PTPN3: variants seen among roughly 807,000 people sequenced by gnomAD.
PTPN3 encodes the protein protein tyrosine phosphatase non-receptor type 3, also known as tyrosine-protein phosphatase non-receptor type 3.
PTPN3 carries 96 observed loss-of-function variants against 132.7 expected under a neutral mutation model. That is an observed-to-expected ratio of 0.72 (90% CI 0.61 to 0.86). The LOEUF is 0.86. Ranked by LOEUF, PTPN3 falls within the 40% of genes least tolerant of loss-of-function variation. The pLI, the probability that PTPN3 is intolerant of heterozygous loss-of-function variation, is 0.00. For synonymous variants in PTPN3, 398 were observed against 429.0 expected (o/e 0.93, Z 0.89); for missense variants, 1,125 against 1,159.6 (o/e 0.97, Z 0.43).
chr9:109,414,408 C>T lies in PTPN3; in HGVS notation c.1314-3993G>A, dbSNP rs571583875. On this transcript the variant is annotated intron_variant, in intron 14 of 25. Coordinates refer to ENST00000374541, the MANE Select transcript of PTPN3 (RefSeq NM_002829.4). ...TGTGGCCACAGCTGGAATAGCACGG[C>T]GCTAGAGGAACTCATACCAGTTCAC... 1.1e-4 allele frequency among the ~76,000 whole-genome samples: 16 copies of T among 152,292 alleles called. No individual in the cohort carries two copies. The South Asian group carries it at 2.9e-3, about 28-fold the overall frequency.
At position 109,454,546 on chromosome 9, in the gene PTPN3, T is replaced by A. The variant is rs1166408173; in HGVS notation, c.318A>T (p.Arg106=). The change falls in exon 5 of 26, where the codon CGA becomes CGT. Residue 106 remains arginine, a synonymous_variant. Transcript: ENST00000374541. ...KGGFPCTLHF[R]VRFFIPDPNT... ...TGGGATCAGGTATAAAAAATCTTAC[T>A]CGAAAATGCAGGGTACAGGGGAAAC... 6 of 1,613,504 alleles carry A rather than the reference T, an allele frequency of 3.7e-6. No individual in the cohort carries two copies. The Admixed American group carries it at 1.0e-4, about 27-fold the overall frequency.
intron 9 of PTPN3, 60 bp from the exon 10 acceptor site, chr9:109,433,221 G>A: frequency 6.2e-7 from 1 of 1,602,106 alleles, no homozygotes; most frequent in Non-Finnish European, 8.5e-7. Context: ...GCCCTCTGGT[G>A]ACTTTAAAGC....
At chr9:109,418,141 C>T (rs1842654276) in intron 14 of PTPN3, among the ~76,000 whole-genome samples, 1 of 152,186 alleles carries the variant, frequency 6.6e-6, no homozygotes, top group African/African-American at 2.4e-5. Context: ...CTAAGCCCCC[C>T]TTTTCCTTTC....
At chr9:109,387,949 G>A (rs1284118425) in intron 22 of PTPN3, among the ~76,000 whole-genome samples, 4 of 152,202 alleles carry the variant, frequency 2.6e-5, no homozygotes, top group African/African-American at 4.8e-5. Context: ...ATCTCGTGGG[G>A]AAGTGTCCTA....
At chr9:109,490,977 C>T (rs1326733626) in intron 1 of PTPN3, among the ~76,000 whole-genome samples, 1 of 151,062 alleles carries the variant, frequency 6.6e-6, no homozygotes, top group Non-Finnish European at 1.5e-5. Flanking sequence ...ACAGGCAGAT[C>T]ACTTGAGGTC....
intron 5 of PTPN3, chr9:109,450,519 C>T (rs1845178478): frequency 2.2e-5 from 22 of 985,036 alleles, no homozygotes; most frequent in Non-Finnish European, 2.7e-5. Flanking sequence ...GCTGCCTTGT[C>T]ATATATTGAG....
chr9:109,530,921 T>C, the PTPN3 span, among the ~76,000 whole-genome samples: 718 of 152,300 alleles, frequency 4.7e-3, 3 homozygotes, highest in African/African-American at 0.017. Flanking sequence ...GGTTGTTTTG[T>C]TGTTGTTGTT....
intron 1 of PTPN3, among the ~76,000 whole-genome samples, chr9:109,490,132 G>T (rs912052195): frequency 2.0e-5 from 3 of 151,902 alleles, no homozygotes; most frequent in Admixed American, 6.6e-5. Context: ...GCAGTGAGCC[G>T]AGATCGCGCC....
chr9:109,400,131 T>C (rs937515308), intron 19 of PTPN3, among the ~76,000 whole-genome samples: 3 of 152,004 alleles, frequency 2.0e-5, no homozygotes, highest in African/African-American at 7.3e-5. Context: ...TCTTGTTATG[T>C]TGCCCAGGTT....
At chr9:109,492,341 C>G (rs1021437893) in intron 1 of PTPN3, among the ~76,000 whole-genome samples, 2 of 152,202 alleles carry the variant, frequency 1.3e-5, no homozygotes, top group African/African-American at 4.8e-5. Flanking sequence ...ATTCAGGCAG[C>G]CATGGCCCCT....
the PTPN3 span, among the ~76,000 whole-genome samples, chr9:109,516,250 A>G: frequency 1.3e-5 from 2 of 152,360 alleles, no homozygotes; most frequent in East Asian, 1.9e-4. Flanking sequence ...CCAATTAGAC[A>G]TGGCTGATCC....
Position 109,410,378 on chromosome 9 carries a change from T to A in PTPN3, c.1351A>T (p.Thr451Ser). 6.2e-7 allele frequency: 1 copy of A among 1,613,908 alleles called. No individual in the cohort carries two copies. The highest frequency in any genetic ancestry group is 1.1e-5 in the South Asian group (1 of 91,042). Residue 451 changes from threonine to serine, a missense_variant, in exon 15 of 26, where the codon ACC (threonine) becomes TCC (serine). Transcript: ENST00000374541. ...SENNPAQSYL[T>S]QKSSSSVSPS... is the part of the protein sequence containing the mutation. ...GACACAGAACTGGATGACTTCTGGG[T>A]CAGGTAGCTTTGTGCCGGATTGTTC...
At chr9:109,415,093 T>C (rs368537467) in intron 14 of PTPN3, among the ~76,000 whole-genome samples, 1 of 145,860 alleles carries the variant, frequency 6.9e-6, no homozygotes, top group African/African-American at 2.5e-5. Context: ...CATCCATCCA[T>C]CCATCCATCC....
chr9:109,410,589 G>A (rs1190388071), intron 14 of PTPN3, among the ~76,000 whole-genome samples, 174 bp from the exon 15 acceptor site: 1 of 152,132 alleles, frequency 6.6e-6, no homozygotes, highest in East Asian at 1.9e-4. Context: ...ACCCCTGACC[G>A]CATCTGGCCT....
intron 10 of PTPN3, chr9:109,429,166 G>T: frequency 2.0e-6 from 1 of 498,310 alleles, no homozygotes; most frequent in Non-Finnish European, 2.6e-6. Flanking sequence ...ATACTAGGCT[G>T]CTACTAAGAG....
At chr9:109,524,494 C>T in the PTPN3 span, among the ~76,000 whole-genome samples, 2 of 152,302 alleles carry the variant, frequency 1.3e-5, no homozygotes, top group South Asian at 4.2e-4. Flanking sequence ...CCAAAGCCCA[C>T]ACTCAGAATC....
In PTPN3 at chr9:109,404,471, C is replaced by T. The variant is rs763071949; in HGVS notation, c.1930G>A (p.Gly644Arg). Residue 644 changes from glycine (G) to arginine (R), a missense_variant, in exon 19 of 26, where the codon GGG (glycine) becomes AGG (arginine). Transcript: ENST00000374541. ...ACCTCAAACTGGATCAGCACCGTCC[C>T]GCTTTCGAGGCCCTTCTTTAGCTGT... is the stretch of plus-strand genomic sequence containing the variant. Reference protein sequence around the residue: ...MAQLKKGLESGTVLIQFEQLY... With the variant: ...MAQLKKGLESRTVLIQFEQLY... 42 of 1,500,058 alleles carry T rather than the reference C, an allele frequency of 2.8e-5. No individual in the cohort carries two copies. The East Asian group carries it at 7.6e-4, about 27-fold the overall frequency. The allele number at this position is 1,500,058 out of a possible 1,614,324, so 92.9% of individuals were successfully genotyped here.
At chr9:109,488,225 C>T (rs1588505708) in intron 1 of PTPN3, among the ~76,000 whole-genome samples, 5 of 151,638 alleles carry the variant, frequency 3.3e-5, no homozygotes, top group South Asian at 2.1e-4. Flanking sequence ...CCTCAGCCTC[C>T]GGAGTAGCTG....
intron 5 of PTPN3, among the ~76,000 whole-genome samples, chr9:109,451,609 A>G (rs1720376495): frequency 6.6e-6 from 1 of 152,190 alleles, no homozygotes; most frequent in Admixed American, 6.5e-5. Context: ...TCTCTCCATC[A>G]TGAATGCCCT....
Sources: gnomAD v4.1 joint callset for allele counts (sites outside exome capture counted in the v4.1 genomes callset) on GRCh38, gnomAD v4.1.1 for gene constraint, MANE v1.5 for transcripts, NCBI Gene and HGNC (gene_info 2026-07-23, HGNC 2026-07-21) for gene names.